Variants in CNTNAP2 observed in about 807,000 individuals in gnomAD.
The protein encoded by CNTNAP2 is contactin-associated protein-like 2.
A neutral mutation model predicts 155.2 loss-of-function variants in CNTNAP2; 98 were observed. The ratio of observed to expected loss-of-function variants is 0.63; its 90% CI spans 0.54 to 0.75. The LOEUF (loss-of-function observed/expected upper bound fraction) is 0.75. CNTNAP2 is among the 30% of genes least tolerant of loss of function. CNTNAP2 has a pLI of 0.00. For synonymous variants in CNTNAP2, 651 were observed against 631.2 expected (o/e 1.03, Z -0.47); for missense variants, 1,727 against 1,688.1 (o/e 1.02, Z -0.40).
At chr7:146,160,924 T>A (rs887139492) in intron 1 of CNTNAP2, among the ~76,000 whole-genome samples, 1 of 151,994 alleles carries the variant, frequency 6.6e-6, no homozygotes, top group Admixed American at 6.6e-5. Flanking sequence ...GACCAATATC[T>A]CTGATGAATA....
At chr7:146,189,613 T>C (rs1405329873) in intron 1 of CNTNAP2, among the ~76,000 whole-genome samples, 1 of 152,178 alleles carries the variant, frequency 6.6e-6, no homozygotes, top group African/African-American at 2.4e-5. Flanking sequence ...AATTTAGACA[T>C]TGTCAAAGAG....
intron 15 of CNTNAP2, among the ~76,000 whole-genome samples, chr7:148,092,471 A>T (rs974664246): frequency 6.6e-6 from 1 of 152,172 alleles, no homozygotes; most frequent in Non-Finnish European, 1.5e-5. Flanking sequence ...CAGGTGCCCC[A>T]TTGGGACCAT....
chr7:146,347,031 C>T (rs1307199352), intron 1 of CNTNAP2, among the ~76,000 whole-genome samples: 2 of 147,728 alleles, frequency 1.4e-5, no homozygotes, highest in Admixed American at 6.9e-5. Context: ...CTAAAAGGGT[C>T]GAGGTGGAAT....
chr7:147,226,272 T>C (rs1199667541), intron 8 of CNTNAP2, among the ~76,000 whole-genome samples: 1 of 152,204 alleles, frequency 6.6e-6, no homozygotes, highest in Non-Finnish European at 1.5e-5. Context: ...TTGCAGCTGT[T>C]GCAATATGAT....
intron 13 of CNTNAP2, among the ~76,000 whole-genome samples, chr7:147,678,048 T>G (rs953437663): frequency 6.6e-6 from 1 of 151,856 alleles, no homozygotes; most frequent in African/African-American, 2.4e-5. Context: ...AATGCATATA[T>G]AATTATATGT....
At chr7:147,653,593 G>C (rs564090404) in intron 13 of CNTNAP2, among the ~76,000 whole-genome samples, 2 of 152,274 alleles carry the variant, frequency 1.3e-5, no homozygotes, top group Admixed American at 1.3e-4. Flanking sequence ...GAGCAGACTA[G>C]AGGAAGAGGC....
intron 1 of CNTNAP2, among the ~76,000 whole-genome samples, chr7:146,563,754 A>G (rs1237163008): frequency 6.6e-6 from 1 of 152,152 alleles, no homozygotes; most frequent in Admixed American, 6.5e-5. Context: ...TAGAGGTTAC[A>G]CCACTTTGCC....
intron 8 of CNTNAP2, among the ~76,000 whole-genome samples, chr7:147,157,105 G>A (rs1194201212): frequency 1.3e-5 from 2 of 152,020 alleles, no homozygotes; most frequent in Non-Finnish European, 2.9e-5. Context: ...AAGAAACTCA[G>A]CAGGAGTGAC....
At chr7:147,989,406 T>C (rs117511467) in intron 15 of CNTNAP2, among the ~76,000 whole-genome samples, 1 of 152,204 alleles carries the variant, frequency 6.6e-6, no homozygotes, top group Non-Finnish European at 1.5e-5. Flanking sequence ...AATTGTAACA[T>C]CACTGAGTTT....
At chr7:147,664,390 G>A (rs1322395348) in intron 13 of CNTNAP2, among the ~76,000 whole-genome samples, 1 of 152,098 alleles carries the variant, frequency 6.6e-6, no homozygotes, top group Non-Finnish European at 1.5e-5. Context: ...GCTGCTGTGA[G>A]GTATGCAAGG....
At chr7:147,580,434 G>GA (rs1381738271) in intron 12 of CNTNAP2, among the ~76,000 whole-genome samples, 1 of 152,038 alleles carries the variant, frequency 6.6e-6, no homozygotes, top group Admixed American at 6.6e-5. Flanking sequence ...TTTTACAGAT[G>GA]AAAAAATTGA....
intron 4 of CNTNAP2, among the ~76,000 whole-genome samples, chr7:147,071,592 G>A (rs777451553): frequency 5.9e-5 from 9 of 152,190 alleles, no homozygotes; most frequent in African/African-American, 2.2e-4. Context: ...ATACTTGATA[G>A]GGTCATCATT....
chr7:146,269,398 G>A (rs1233355630), intron 1 of CNTNAP2, among the ~76,000 whole-genome samples: 2 of 152,046 alleles, frequency 1.3e-5, no homozygotes, highest in Non-Finnish European at 2.9e-5. Flanking sequence ...GTTAGGAAGG[G>A]ATCCTATCCT....
At chr7:147,534,436 T>G (rs1043311953) in intron 11 of CNTNAP2, among the ~76,000 whole-genome samples, 2 of 152,148 alleles carry the variant, frequency 1.3e-5, no homozygotes, top group Non-Finnish European at 2.9e-5. Context: ...TGCCCAGGCC[T>G]CCTTAGGATA....
At chr7:147,078,465 T>G (rs1256514300) in intron 4 of CNTNAP2, among the ~76,000 whole-genome samples, 1 of 152,186 alleles carries the variant, frequency 6.6e-6, no homozygotes, top group Admixed American at 6.5e-5. Flanking sequence ...TCCCATCTCA[T>G]GCTTGATAAG....
chr7:147,691,335 A>G (rs1483627616), intron 13 of CNTNAP2, among the ~76,000 whole-genome samples: 1 of 152,158 alleles, frequency 6.6e-6, no homozygotes, highest in African/African-American at 2.4e-5. Context: ...CAGTAAGTCA[A>G]ACCCTGATTT....
intron 18 of CNTNAP2, chr7:148,190,169 A>C (rs1211875559): frequency 6.6e-6 from 1 of 152,252 alleles, no homozygotes; most frequent in African/African-American, 2.4e-5. Flanking sequence ...CCAAGGTGAC[A>C]CGTGCCTTGG....
chr7:147,505,946 C>T (rs2116678560), intron 11 of CNTNAP2, among the ~76,000 whole-genome samples: 1 of 152,300 alleles, frequency 6.6e-6, no homozygotes, highest in African/African-American at 2.4e-5. Context: ...TTTCCCTCCC[C>T]TTGTCAAGAA....
chr7:147,087,643 G>A (rs923893399), intron 4 of CNTNAP2, among the ~76,000 whole-genome samples: 12 of 152,026 alleles, frequency 7.9e-5, no homozygotes, highest in Admixed American at 2.0e-4. Context: ...CCCAAAGTGG[G>A]GGAGCTCCTA....
Sources: allele counts gnomAD v4.1 joint callset (sites outside exome capture counted in the v4.1 genomes callset), GRCh38; gene constraint gnomAD v4.1.1; transcripts MANE v1.5; gene names NCBI Gene and HGNC (gene_info 2026-07-23, HGNC 2026-07-21).